The following NMT2 variants were observed in gnomAD, a reference collection of about 807,000 sequenced individuals.
The protein encoded by NMT2 is N-myristoyltransferase 2.
A neutral mutation model predicts 65.4 loss-of-function variants in NMT2; 35 were observed. The ratio of observed to expected loss-of-function variants is 0.54; its 90% CI spans 0.41 to 0.71. The LOEUF (loss-of-function observed/expected upper bound fraction) is 0.71. NMT2 is among the 30% of genes least tolerant of loss of function. The pLI is 0.00. For synonymous variants in NMT2, 226 were observed against 231.8 expected (o/e 0.98, Z 0.23); for missense variants, 489 against 611.3 (o/e 0.80, Z 2.11).
chr10:15,118,175 A>G (rs914590507), intron 9 of NMT2, among the ~76,000 whole-genome samples: 5 of 152,230 alleles, frequency 3.3e-5, no homozygotes, highest in African/African-American at 1.2e-4. Context: ...AGACATGGAG[A>G]TCAACGAAAT....
intron 9 of NMT2, among the ~76,000 whole-genome samples, chr10:15,115,824 A>T (rs1445593015): frequency 6.6e-6 from 1 of 152,220 alleles, no homozygotes; most frequent in East Asian, 1.9e-4. Context: ...AGAGCAAGGA[A>T]AATTATTAGA....
At chr10:15,160,572 C>T (rs940250307) in intron 1 of NMT2, among the ~76,000 whole-genome samples, 6 of 151,828 alleles carry the variant, frequency 4.0e-5, no homozygotes, top group African/African-American at 1.2e-4. Flanking sequence ...GTCAGGAGTT[C>T]GAGACCAGCC....
At position 15,130,156 on chromosome 10, in the gene NMT2, G is replaced by A; in HGVS notation, c.876C>T (p.Pro292=). The part of the protein sequence containing the change: ...VYTAGVVLPK[P]IATCRYWHRS... ...GGTACTGGTACCTGCATGTGGCTAT[G>A]GGCTTAGGAAGAACCACTCCCGCGG... The change falls in exon 7 of 12, where the codon CCC becomes CCT. Residue 292 remains proline, a synonymous_variant. Transcript: ENST00000378165. 1 of 1,529,736 alleles carries A rather than the reference G, an allele frequency of 6.5e-7. No homozygotes were observed. Among genetic ancestry groups the A allele is most frequent in the Non-Finnish European group, 8.8e-7 (1 of 1,137,290 alleles). 94.8% of individuals were successfully genotyped at this position (1,529,736 alleles called of 1,614,324 possible).
chr10:15,152,970 G>A (rs917782319), intron 1 of NMT2, among the ~76,000 whole-genome samples: 25 of 152,230 alleles, frequency 1.6e-4, no homozygotes, highest in African/African-American at 5.8e-4. Context: ...ACTAATAGGG[G>A]ATGGATTGAA....
At chr10:15,127,575 T>A (rs9733724) in intron 8 of NMT2, among the ~76,000 whole-genome samples, 13,349 of 64,216 alleles carry the variant, frequency 0.21, 1,534 homozygotes, top group East Asian at 0.34. Flanking sequence ...AAAAAATAAA[T>A]AAATAAATAA....
At chr10:15,114,575 C>T (rs9651544) in intron 9 of NMT2, among the ~76,000 whole-genome samples, 20,370 of 152,188 alleles carry the variant, frequency 0.13, 1,405 homozygotes, top group Middle Eastern at 0.23. Context: ...ATTACATACA[C>T]TGTTCCAGAG....
chr10:15,105,766 T>C (rs1317947729), downstream of NMT2, among the ~76,000 whole-genome samples: 1 of 152,196 alleles, frequency 6.6e-6, no homozygotes, highest in Non-Finnish European at 1.5e-5. Context: ...CAAGAAACTA[T>C]CCATTGCATT....
At chr10:15,152,308 T>G (rs558496552) in intron 1 of NMT2, among the ~76,000 whole-genome samples, 1 of 152,324 alleles carries the variant, frequency 6.6e-6, no homozygotes, top group South Asian at 2.1e-4. Flanking sequence ...GAGGTCATGG[T>G]CCACTCTGGG....
intron 9 of NMT2, among the ~76,000 whole-genome samples, chr10:15,117,690 A>C (rs1845789759): frequency 6.6e-6 from 1 of 151,228 alleles, no homozygotes; most frequent in South Asian, 2.1e-4. Flanking sequence ...TGATTTCAGC[A>C]CTGTGGTAGG....
At chr10:15,135,768 C>A (rs1014371386) in intron 2 of NMT2, among the ~76,000 whole-genome samples, 3 of 150,586 alleles carry the variant, frequency 2.0e-5, no homozygotes, top group African/African-American at 7.3e-5. Context: ...CAGGCAGCCA[C>A]GAGCCTTGGG....
intron 1 of NMT2, among the ~76,000 whole-genome samples, chr10:15,149,300 C>A (rs1413450967): frequency 6.6e-6 from 1 of 151,982 alleles, no homozygotes; most frequent in African/African-American, 2.4e-5. Context: ...TCACTGCCAC[C>A]ATCATCACCA....
chr10:15,127,049 G>A (rs777148071), intron 8 of NMT2, among the ~76,000 whole-genome samples: 1 of 151,568 alleles, frequency 6.6e-6, no homozygotes, highest in Non-Finnish European at 1.5e-5. Context: ...TGGCCAACAT[G>A]GTGAAACCCC....
chr10:15,122,272 T>A (rs574519096), intron 8 of NMT2, among the ~76,000 whole-genome samples: 3 of 152,008 alleles, frequency 2.0e-5, no homozygotes, highest in South Asian at 2.1e-4. Context: ...GAAAAAAAAA[T>A]TTGCCAACTT....
rs1360760542 is a variant in NMT2 at position 15,107,348 on chromosome 10, T to A, written c.*1847A>T. ...GGCCCCTGCCTGGGATAAGATATGA[T>A]TGGTTTCACTGGACTCATAACTTGA... On this transcript the variant is annotated 3_prime_UTR_variant, in exon 12 of 12. Coordinates refer to ENST00000378165, the MANE Select transcript of NMT2 (RefSeq NM_004808.3). The A allele has an allele frequency of 3.0e-6, 3 of 985,256 alleles. 1 individual carries two copies. In the African/African-American group the frequency reaches 5.2e-5, roughly 17 times the overall value. The allele number at this position is 985,256 out of a possible 1,614,324, so 61.0% of individuals were successfully genotyped here.
intron 1 of NMT2, among the ~76,000 whole-genome samples, chr10:15,156,379 C>G (rs1832998469): frequency 6.6e-6 from 1 of 152,184 alleles, no homozygotes; most frequent in Admixed American, 6.5e-5. Context: ...TGTAAGTTTC[C>G]TAAGGCTTCT....
At chr10:15,119,290 G>A in intron 9 of NMT2, 53 bp downstream of exon 9, 1 of 1,527,484 alleles carries the variant, frequency 6.5e-7, no homozygotes, top group Non-Finnish European at 9.0e-7. Context: ...GCTGCACGCT[G>A]AACACAAAGG....
chr10:15,153,129 C>T (rs775958528), intron 1 of NMT2, among the ~76,000 whole-genome samples: 4 of 151,972 alleles, frequency 2.6e-5, no homozygotes, highest in African/African-American at 4.8e-5. Context: ...ACCCACACAC[C>T]GCCTTTTTAA....
chr10:15,136,462 G>C (rs1226275516), intron 2 of NMT2, among the ~76,000 whole-genome samples: 1 of 149,424 alleles, frequency 6.7e-6, no homozygotes. Context: ...GAGGGAGGGA[G>C]AGAGGGAGGA....
intron 1 of NMT2, among the ~76,000 whole-genome samples, chr10:15,164,422 G>C (rs1469054461): frequency 6.6e-6 from 1 of 152,234 alleles, no homozygotes; most frequent in Non-Finnish European, 1.5e-5. Flanking sequence ...TGTTGGTTAA[G>C]CAAGGGGACA....
Sources: gnomAD v4.1 joint callset for allele counts (sites outside exome capture counted in the v4.1 genomes callset) on GRCh38, gnomAD v4.1.1 for gene constraint, MANE v1.5 for transcripts, NCBI Gene and HGNC (gene_info 2026-07-23, HGNC 2026-07-21) for gene names.